The following PDE8B variants were observed in gnomAD, a reference collection of about 807,000 sequenced individuals.
PDE8B encodes the protein phosphodiesterase 8B.
A neutral mutation model predicts 101.3 loss-of-function variants in PDE8B; 26 were observed. The observed-to-expected ratio is 0.26, with a 90% CI of 0.19 to 0.36. The LOEUF (loss-of-function observed/expected upper bound fraction) is 0.36, where lower values mean the gene tolerates loss of function less well. Ranked by LOEUF, PDE8B falls within the 10% of genes least tolerant of loss-of-function variation. The pLI is 1.00. For missense variants in PDE8B, 810 were observed against 1,163.1 expected, an observed-to-expected ratio of 0.70 and a Z score of 4.42; for synonymous variants, 424 against 429.3, an observed-to-expected ratio of 0.99 and a Z score of 0.15.
At chr5:77,192,420 G>A in the PDE8B span, among the ~76,000 whole-genome samples, 109,803 of 152,092 alleles carry the variant, frequency 0.72, 40,617 homozygotes, top group East Asian at 0.96. Context: ...ATGTCAATAA[G>A]ATCATACACA....
chr5:77,185,489 A>G, the PDE8B span, among the ~76,000 whole-genome samples: 1 of 152,206 alleles, frequency 6.6e-6, no homozygotes, highest in Non-Finnish European at 1.5e-5. Context: ...CTCATTTAAA[A>G]TTAATTCCTC....
intron 4 of PDE8B, among the ~76,000 whole-genome samples, chr5:77,329,898 T>A (rs1561535631): frequency 6.6e-6 from 1 of 152,192 alleles, no homozygotes; most frequent in African/African-American, 2.4e-5. Context: ...TCCAAAGCCA[T>A]GTGGATACAA....
intron 12 of PDE8B, among the ~76,000 whole-genome samples, chr5:77,405,510 G>A (rs1178762472): frequency 1.3e-5 from 2 of 152,154 alleles, no homozygotes; most frequent in African/African-American, 4.8e-5. Context: ...GGCTATAGAT[G>A]TGGAGTTGGC....
At chr5:77,152,483 C>A in the PDE8B span, among the ~76,000 whole-genome samples, 2 of 152,130 alleles carry the variant, frequency 1.3e-5, no homozygotes, top group African/African-American at 4.8e-5. Context: ...GCAGGCATCT[C>A]CTGCACCCAG....
chr5:77,238,686 C>T (rs1755164666), intron 1 of PDE8B, among the ~76,000 whole-genome samples: 2 of 152,166 alleles, frequency 1.3e-5, no homozygotes, highest in South Asian at 4.1e-4. Flanking sequence ...CATGATCTGA[C>T]ATCTGCAACC....
At position 77,357,329 on chromosome 5, in the gene PDE8B, G is replaced by A. The variant is rs138455783; in HGVS notation, c.1167+3923G>A. ...AGTGGGGATGGCTTATTCTCAAAGAGACCACACATGCTTAGAAACCCTTTA... is the reference window on the plus strand; with the variant it reads ...AGTGGGGATGGCTTATTCTCAAAGAAACCACACATGCTTAGAAACCCTTTA... On this transcript the variant is annotated intron_variant, in intron 10 of 21. Transcript: ENST00000264917. Among the ~76,000 whole-genome samples the A allele has an allele frequency of 5.3e-4, 80 of 152,278 alleles. No individual in the cohort carries two copies. In the East Asian group the frequency reaches 0.014, roughly 28 times the overall value.
chr5:77,410,300 T>C (rs1441833281), intron 14 of PDE8B: 3 of 152,398 alleles, frequency 2.0e-5, no homozygotes, highest in African/African-American at 7.2e-5. Context: ...TACCTACTTT[T>C]CATTACATGC....
intron 1 of PDE8B, among the ~76,000 whole-genome samples, chr5:77,216,544 C>T (rs1749775664): frequency 6.6e-6 from 1 of 152,138 alleles, no homozygotes; most frequent in African/African-American, 2.4e-5. Context: ...AGGTCCCTCC[C>T]ACAACACATG....
chr5:77,286,941 G>A (rs371989168), intron 1 of PDE8B, among the ~76,000 whole-genome samples: 209 of 152,256 alleles, frequency 1.4e-3, no homozygotes, highest in African/African-American at 4.3e-3. Flanking sequence ...TAGAAGGAAT[G>A]TAGAATACTT....
intron 1 of PDE8B, chr5:77,290,276 TC>T (rs1580818395): frequency 7.7e-6 from 12 of 1,558,522 alleles, no homozygotes; most frequent in Non-Finnish European, 9.6e-6. Context: ...TCATGTCCAC[TC>T]TCCTCATCAA....
intron 1 of PDE8B, among the ~76,000 whole-genome samples, chr5:77,311,375 C>A (rs894958249): frequency 6.6e-5 from 10 of 152,166 alleles, no homozygotes; most frequent in African/African-American, 2.4e-4. Context: ...CAGAGACAAG[C>A]CTCTCGTGGT....
intron 2 of PDE8B, among the ~76,000 whole-genome samples, chr5:77,318,552 A>G (rs770929136): frequency 5.3e-5 from 8 of 152,308 alleles, no homozygotes; most frequent in South Asian, 2.1e-4. Context: ...CCAACTCCAA[A>G]GAGTTTCTCT....
chr5:77,407,414 T>C lies in PDE8B; in HGVS notation c.1322T>C (p.Met441Thr), dbSNP rs778856353. Residue 441 changes from methionine to threonine, a missense_variant, in exon 13 of 22, where the codon ATG (methionine) becomes ACG (threonine). Physicochemically the swap from Met to Thr is moderately conservative, Grantham distance 81. Transcript: ENST00000264917. ...CTGCAGAATCGTCGCTATCCGTCCA[T>C]GGCGAGGATCCACTCCATGACCATC... is the stretch of plus-strand genomic sequence containing the variant. ...PSLQNRRYPS[M>T]ARIHSMTIEA... 1.2e-6 allele frequency: 2 copies of C among 1,614,086 alleles called. No individual in the cohort carries two copies. Among genetic ancestry groups the C allele is most frequent in the South Asian group, 1.1e-5 (1 of 91,076 alleles).
intron 1 of PDE8B, chr5:77,291,014 G>C (rs1767201442): frequency 6.2e-7 from 1 of 1,612,114 alleles, no homozygotes; most frequent in Non-Finnish European, 8.5e-7. Flanking sequence ...GGAGCACTCA[G>C]GTGGGAAAAC....
intron 1 of PDE8B, among the ~76,000 whole-genome samples, chr5:77,262,484 G>T (rs1029283685): frequency 6.6e-6 from 1 of 152,206 alleles, no homozygotes; most frequent in Non-Finnish European, 1.5e-5. Context: ...CAAAATGCTG[G>T]TGTAGAAAGT....
In PDE8B at chr5:77,210,777, G is replaced by A; in HGVS notation, c.-149G>A. 1 of 982,972 alleles carries A rather than the reference G, an allele frequency of 1.0e-6. No individual in the cohort carries two copies. Among genetic ancestry groups the A allele is most frequent in the Non-Finnish European group, 1.2e-6 (1 of 829,662 alleles). 60.9% of individuals were successfully genotyped at this position (982,972 alleles called of 1,614,324 possible). A position where few individuals can be genotyped will look rare whatever the true frequency, so the allele number is the denominator to read the frequency against. Reference sequence around the variant, plus strand: ...CGGAGGCTCGGCGGGGGGCACCGCGGCCAGCCCGACGGAGCGGCGGACACA... The same window carrying A: ...CGGAGGCTCGGCGGGGGGCACCGCGACCAGCCCGACGGAGCGGCGGACACA... On this transcript the variant is annotated 5_prime_UTR_variant, in exon 1 of 22. Transcript: ENST00000264917. This position sits in a 1 kb window ranked among gnomAD's most constrained non-coding sequence, Gnocchi z 4.9.
intron 1 of PDE8B, among the ~76,000 whole-genome samples, chr5:77,261,879 G>C (rs1486311223): frequency 6.6e-6 from 1 of 152,210 alleles, no homozygotes; most frequent in Non-Finnish European, 1.5e-5. Flanking sequence ...GAAGTGCCTT[G>C]CGTTCACAGG....
At chr5:77,137,250 T>C in the PDE8B span, among the ~76,000 whole-genome samples, 21 of 152,144 alleles carry the variant, frequency 1.4e-4, no homozygotes, top group Non-Finnish European at 2.9e-5. Context: ...CATGCCTAAT[T>C]CATAGCTAGC....
the PDE8B span, chr5:77,134,277 T>G: frequency 6.6e-6 from 1 of 152,182 alleles, no homozygotes; most frequent in Non-Finnish European, 1.5e-5. Context: ...AAACTGGGGT[T>G]CTCCATGTGG....
Sources: allele counts gnomAD v4.1 joint callset (sites outside exome capture counted in the v4.1 genomes callset), GRCh38; gene constraint gnomAD v4.1.1; non-coding constraint Gnocchi (gnomAD v3.1); transcripts MANE v1.5; gene names NCBI Gene and HGNC (gene_info 2026-07-23, HGNC 2026-07-21).